The following HAO1 variants were observed in gnomAD, a reference collection of about 807,000 sequenced individuals.
HAO1 encodes the protein 2-Hydroxyacid oxidase 1.
Under a neutral mutation model 39.7 loss-of-function variants are expected in HAO1, and 34 were observed. The ratio of observed to expected loss-of-function variants is 0.86; its 90% CI spans 0.65 to 1.14. The LOEUF is 1.14. HAO1 is among the 50% of genes most tolerant of loss of function. HAO1 has a pLI of 0.00. For synonymous variants in HAO1, 172 were observed against 173.2 expected (o/e 0.99, Z 0.05); for missense variants, 479 against 464.5 (o/e 1.03, Z -0.29).
At chr20:7,923,459 T>A (rs1364545677) in intron 2 of HAO1, among the ~76,000 whole-genome samples, 1 of 152,198 alleles carries the variant, frequency 6.6e-6, no homozygotes, top group African/African-American at 2.4e-5. Context: ...TAAGCCTGCC[T>A]GTCCCAGGTT....
chr20:7,937,242 A>G (rs2050417233), intron 1 of HAO1, among the ~76,000 whole-genome samples: 1 of 152,186 alleles, frequency 6.6e-6, no homozygotes, highest in Admixed American at 6.5e-5. Context: ...TGCCTCACCC[A>G]GCTTTATAAC....
intron 5 of HAO1, among the ~76,000 whole-genome samples, chr20:7,890,164 C>T (rs2050167672): frequency 6.6e-6 from 1 of 152,062 alleles, no homozygotes; most frequent in African/African-American, 2.4e-5. Context: ...GCAAGTATCT[C>T]CCCTCATGTA....
intron 2 of HAO1, among the ~76,000 whole-genome samples, chr20:7,928,195 T>C (rs113753733): frequency 0.013 from 1,990 of 152,246 alleles, 39 homozygotes; most frequent in African/African-American, 0.043. Context: ...AAATGGAAAT[T>C]AAAAGCATTC....
At chr20:7,909,385 A>ATATATATATATATATATATATATATGTG (rs2050266466) in intron 3 of HAO1, among the ~76,000 whole-genome samples, 2 of 112,584 alleles carry the variant, frequency 1.8e-5, no homozygotes, top group African/African-American at 7.8e-5. Context: ...ATATGTATAT[A>ATATATATATATATATATATATATATGTG]TATATATATA....
At position 7,906,264 on chromosome 20, in the gene HAO1, C is replaced by A. The variant is rs375983921; in HGVS notation, c.611G>T (p.Gly204Val). 8.1e-6 allele frequency: 13 copies of A among 1,611,806 alleles called. No homozygotes were observed. The African/African-American group carries it at 1.5e-4, about 18-fold the overall frequency. Residue 204 changes from glycine (G) to valine (V), a missense_variant, in exon 4 of 8, where the codon GGA becomes GTA. Transcript: ENST00000378789. Reference sequence around the variant, plus strand: ...TGCTTTAGCCACATATGCAGCAAGTCCACTGTCGTCTCCAAAATTTTCCTC... The same window carrying A: ...TGCTTTAGCCACATATGCAGCAAGTACACTGTCGTCTCCAAAATTTTCCTC... ...SPEENFGDDS[G>V]LAAYVAKAID...
At chr20:7,897,938 C>A (rs2050204949) in intron 4 of HAO1, among the ~76,000 whole-genome samples, 1 of 144,468 alleles carries the variant, frequency 6.9e-6, no homozygotes, top group African/African-American at 2.6e-5. Flanking sequence ...TCTTGGAACT[C>A]CATGTAAGAA....
intron 2 of HAO1, among the ~76,000 whole-genome samples, chr20:7,924,223 G>GTTTGTTTGT (rs1555774936): frequency 6.7e-6 from 1 of 149,846 alleles, no homozygotes; most frequent in Non-Finnish European, 1.5e-5. Flanking sequence ...TGTTGTTGTT[G>GTTTGTTTGT]TTGTTTGTTT....
At chr20:7,932,572 T>G (rs2050390616) in intron 2 of HAO1, among the ~76,000 whole-genome samples, 1 of 152,210 alleles carries the variant, frequency 6.6e-6, no homozygotes, top group South Asian at 2.1e-4. Context: ...TTGTAAATTG[T>G]GATCTTTGAA....
chr20:7,911,102 G>A (rs971227887), intron 3 of HAO1, among the ~76,000 whole-genome samples: 9 of 152,180 alleles, frequency 5.9e-5, no homozygotes, highest in Admixed American at 2.6e-4. Context: ...TGAAAGAACC[G>A]CAGGGAAGCC....
chr20:7,916,748 T>G (rs2050308764), intron 2 of HAO1, among the ~76,000 whole-genome samples: 1 of 152,230 alleles, frequency 6.6e-6, no homozygotes, highest in African/African-American at 2.4e-5. Context: ...TTCATACATG[T>G]TCTCCCGGTC....
chr20:7,922,772 A>G (rs1353623503), intron 2 of HAO1, among the ~76,000 whole-genome samples: 1 of 152,160 alleles, frequency 6.6e-6, no homozygotes, highest in East Asian at 1.9e-4. Flanking sequence ...ACTTGGAAGA[A>G]AAATTGTAAA....
At chr20:7,924,206 T>C (rs2050348492) in intron 2 of HAO1, among the ~76,000 whole-genome samples, 1 of 151,304 alleles carries the variant, frequency 6.6e-6, no homozygotes, top group Admixed American at 6.6e-5. Context: ...GTTGTTGTTG[T>C]TGTTGTTGTT....
At chr20:7,883,724 C>T (rs1600103137) in intron 7 of HAO1, 61 bp from the exon 8 acceptor site, 8 of 1,255,074 alleles carry the variant, frequency 6.4e-6, no homozygotes, top group Admixed American at 3.4e-5. Flanking sequence ...GGCAGGTAAT[C>T]GTTTTCCCAA....
rs1239152527 is a variant in HAO1, at chr20:7,914,234, C to T, written c.475G>A (p.Val159Met). 5 of 1,613,950 alleles carry T rather than the reference C, an allele frequency of 3.1e-6. No individual in the cohort carries two copies. Among genetic ancestry groups the T allele is most frequent in the Non-Finnish European group, 4.2e-6 (5 of 1,179,956 alleles). Residue 159 changes from valine (V) to methionine (M), a missense_variant, in exon 3 of 8, where the codon GTG becomes ATG. By Grantham distance (21) the Val-to-Met change is conservative. Transcript: ENST00000378789. ...KMGYKAIFVT[V>M]DTPYLGNRLD... is the part of the protein sequence containing the mutation. Reference sequence around the variant, plus strand: ...CGGTTGCCCAGGTAAGGTGTGTCCACTGTCACAAATATGGCCTTGTAGCCC... The same window carrying T: ...CGGTTGCCCAGGTAAGGTGTGTCCATTGTCACAAATATGGCCTTGTAGCCC...
intron 4 of HAO1, among the ~76,000 whole-genome samples, chr20:7,905,827 T>A (rs2050245104): frequency 6.6e-6 from 1 of 152,190 alleles, no homozygotes; most frequent in Admixed American, 6.5e-5. Flanking sequence ...CTGTTGCAGC[T>A]TTCAGGTAAA....
chr20:7,911,499 G>A (rs115831943), intron 3 of HAO1, among the ~76,000 whole-genome samples: 1,917 of 152,272 alleles, frequency 0.013, 39 homozygotes, highest in African/African-American at 0.042. Flanking sequence ...AAAGCCTCAG[G>A]AATCAGTCTA....
At chr20:7,924,916 C>T (rs1320215273) in intron 2 of HAO1, among the ~76,000 whole-genome samples, 4 of 152,074 alleles carry the variant, frequency 2.6e-5, no homozygotes, top group Admixed American at 6.6e-5. Flanking sequence ...GAAGTCATTA[C>T]GTAATGGGGA....
intron 4 of HAO1, among the ~76,000 whole-genome samples, chr20:7,901,513 G>A (rs144048648): frequency 0.014 from 2,067 of 152,212 alleles, 15 homozygotes; most frequent in Admixed American, 0.022. Context: ...TAAGCCCACT[G>A]TCGAGACCTG....
intron 1 of HAO1, among the ~76,000 whole-genome samples, chr20:7,935,593 A>G (rs1163599068): frequency 6.6e-6 from 1 of 152,236 alleles, no homozygotes; most frequent in Non-Finnish European, 1.5e-5. Context: ...CACTTTTCTC[A>G]AAAATGTTAT....
Sources: allele counts gnomAD v4.1 joint callset (sites outside exome capture counted in the v4.1 genomes callset), GRCh38; gene constraint gnomAD v4.1.1; transcripts MANE v1.5; gene names NCBI Gene and HGNC (gene_info 2026-07-23, HGNC 2026-07-21).